The following SEZ6L2 variants were observed in gnomAD, a reference collection of about 807,000 sequenced individuals.
SEZ6L2 encodes the protein seizure related 6 homolog like 2.
SEZ6L2 carries 44 observed loss-of-function variants against 97.0 expected under a neutral mutation model. The ratio of observed to expected loss-of-function variants is 0.45; its 90% confidence interval spans 0.36 to 0.58. The LOEUF (loss-of-function observed/expected upper bound fraction) is 0.58, where lower values mean the gene tolerates loss of function less well. SEZ6L2 is among the 20% of genes least tolerant of loss of function. The pLI is 0.00. For synonymous variants in SEZ6L2, 543 were observed against 546.1 expected (o/e 0.99, Z 0.08); for missense variants, 1,086 against 1,233.3 (o/e 0.88, Z 1.79).
chr16:29,883,722 A>G (rs1036176121), intron 8 of SEZ6L2, among the ~76,000 whole-genome samples: 9 of 152,058 alleles, frequency 5.9e-5, no homozygotes, highest in African/African-American at 2.2e-4. Context: ...ACTTCAGCTC[A>G]GTAGTTGGAG....
At chr16:29,881,439 T>C (rs1027904585) in intron 8 of SEZ6L2, among the ~76,000 whole-genome samples, 4 of 152,070 alleles carry the variant, frequency 2.6e-5, no homozygotes, top group African/African-American at 7.2e-5. Context: ...TGGATTCTGA[T>C]CATCCATGCT....
In SEZ6L2 at chr16:29,895,789, G is replaced by T; in HGVS notation, c.583C>A (p.Arg195Ser). The change falls in exon 4 of 18, where the codon CGC becomes AGC. Residue 195 changes from arginine (R) to serine (S), a missense_variant. By Grantham distance (110) the Arg-to-Ser change is moderately radical. Coordinates refer to ENST00000617533, the MANE Select transcript of SEZ6L2 (RefSeq NM_001243332.2). ...GTGCAGTCCAGGAGCCCCAGGGTGC[G>T]GCTGACGGGGCTCCCCAGATCTGGA... ...ESPDLGSPVS[R>S]TLGLLDCTYS... 6.2e-7 allele frequency: 1 copy of T among 1,614,106 alleles called. No individual in the cohort carries two copies. The highest frequency in any genetic ancestry group is 1.1e-5 in the South Asian group (1 of 91,084).
Position 29,895,376 on chromosome 16 carries a change from C to T in SEZ6L2, c.736G>A (p.Ala246Thr), listed in dbSNP as rs2068360686. 3 of 1,614,034 alleles carry T rather than the reference C, an allele frequency of 1.9e-6. No homozygotes were observed. In the East Asian group the frequency reaches 6.7e-5, roughly 36 times the overall value. ...CCTTCTCCAAGCATGGATGAGTTGG[C>T]CAGGAGTCGGGGGGCCAGGCCTGGG... is the stretch of plus-strand genomic sequence containing the variant. ...GSPGLAPRLL[A>T]NSSMLGEGQV... Residue 246 changes from alanine to threonine, a missense_variant, in exon 5 of 18, where the codon GCC becomes ACC. Physicochemically the swap from Ala to Thr is moderately conservative, Grantham distance 58. Coordinates refer to ENST00000617533, the MANE Select transcript of SEZ6L2 (RefSeq NM_001243332.2).
chr16:29,883,768 C>G (rs1351223091), intron 8 of SEZ6L2, among the ~76,000 whole-genome samples: 3 of 151,876 alleles, frequency 2.0e-5, no homozygotes, highest in Non-Finnish European at 4.4e-5. Flanking sequence ...GCTGTCTCTA[C>G]AAAAAATGTA....
At chr16:29,885,878 A>G in intron 7 of SEZ6L2, 129 bp from the exon 8 acceptor site, 1 of 811,816 alleles carries the variant, frequency 1.2e-6, no homozygotes, top group East Asian at 2.8e-5. Context: ...CACTCTTCTA[A>G]GCCCTTACAC....
chr16:29,897,184 C>T, intron 2 of SEZ6L2, 63 bp from the exon 3 acceptor site: 1 of 1,381,208 alleles, frequency 7.2e-7, no homozygotes, highest in Non-Finnish European at 9.6e-7. Context: ...GGGTGGGGAG[C>T]AGGGCTGAGG....
intron 12 of SEZ6L2, among the ~76,000 whole-genome samples, chr16:29,874,554 T>G (rs1343822184): frequency 6.2e-5 from 4 of 64,802 alleles, no homozygotes; most frequent in African/African-American, 2.1e-4. Flanking sequence ...GTGCTTGTTT[T>G]TTTTTTTTTT....
At chr16:29,895,908 C>A in intron 3 of SEZ6L2, 48 bp from the exon 4 acceptor site, 1 of 1,556,360 alleles carries the variant, frequency 6.4e-7, no homozygotes, top group Non-Finnish European at 8.7e-7. Flanking sequence ...TGTGCTTTTG[C>A]CCTCCCAGCC....
intron 5 of SEZ6L2, among the ~76,000 whole-genome samples, chr16:29,892,081 T>G (rs758646776): frequency 2.6e-5 from 4 of 152,222 alleles, no homozygotes; most frequent in Non-Finnish European, 5.9e-5. Context: ...TCTCAGGGTT[T>G]CTGTGAGAAG....
rs530572484 is a variant in SEZ6L2, at chr16:29,877,350, G to C, written c.1830C>G (p.Pro610=). Reference sequence around the variant, plus strand: ...GTGCCTGAAACTGCAGTGTGAGGTCGGGCCCAGAGGAGAGAAGGCGGCGGC... The same window carrying C: ...GTGCCTGAAACTGCAGTGTGAGGTCCGGCCCAGAGGAGAGAAGGCGGCGGC... ...QPRRRLLSSG[P]DLTLQFQAPP... Residue 610 remains proline, a synonymous_variant, in exon 11 of 18, where the codon CCC becomes CCG. Transcript: ENST00000617533. 1 of 1,613,534 alleles carries C rather than the reference G, an allele frequency of 6.2e-7. No individual in the cohort carries two copies. Among genetic ancestry groups the C allele is most frequent in the Non-Finnish European group, 8.5e-7 (1 of 1,179,778 alleles).
At chr16:29,881,643 T>C in intron 8 of SEZ6L2, among the ~76,000 whole-genome samples, 1 of 136,126 alleles carries the variant, frequency 7.3e-6, no homozygotes, top group South Asian at 2.3e-4. Flanking sequence ...TTTTTTTTTT[T>C]TGGGATGGAG....
At chr16:29,895,530 GTGCCTT>G in intron 4 of SEZ6L2, 70 bp from the exon 5 acceptor site, 1 of 1,548,450 alleles carries the variant, frequency 6.5e-7, no homozygotes, top group Non-Finnish European at 8.8e-7. Context: ...CCCCTGTCCT[GTGCCTT>G]TGCCCTGTGT....
At chr16:29,878,721 A>G (rs1009051897) in intron 9 of SEZ6L2, among the ~76,000 whole-genome samples, 2 of 149,246 alleles carry the variant, frequency 1.3e-5, no homozygotes, top group Non-Finnish European at 3.0e-5. Flanking sequence ...AGTAGCTGGG[A>G]CTACAGGCGC....
intron 8 of SEZ6L2, among the ~76,000 whole-genome samples, chr16:29,880,308 G>A (rs992802833): frequency 1.4e-4 from 21 of 150,656 alleles, no homozygotes; most frequent in African/African-American, 4.2e-4. Context: ...GATTGCAGGC[G>A]TGCACCACCA....
At chr16:29,887,313 T>A (rs1465687404) in intron 7 of SEZ6L2, among the ~76,000 whole-genome samples, 16 of 151,200 alleles carry the variant, frequency 1.1e-4, no homozygotes, top group Non-Finnish European at 1.6e-4. Flanking sequence ...TTCTTTTTTT[T>A]TTTTTGAGAC....
At chr16:29,898,781 T>C (rs1281528682) in intron 1 of SEZ6L2, among the ~76,000 whole-genome samples, 160 bp downstream of exon 1, 1 of 152,186 alleles carries the variant, frequency 6.6e-6, no homozygotes, top group Admixed American at 6.5e-5. Flanking sequence ...TTAAGGGGCT[T>C]CGGGTTCAAG....
At position 29,872,735 on chromosome 16, in the gene SEZ6L2, C is replaced by A; in HGVS notation, c.2497G>T (p.Glu833Ter). The change falls in exon 15 of 18, where the codon GAG becomes TAG. Residue 833 changes from glutamate to a stop codon, truncating the protein, a stop_gained. Coordinates refer to ENST00000617533, the MANE Select transcript of SEZ6L2 (RefSeq NM_001243332.2). LOFTEE classifies it high-confidence loss of function. ...SQPPLCKVAY[E>*]ELLDNRKLEV... ...AGTTTTCGGTTGTCCAGGAGCTCCT[C>A]ATAGGCAACTGCAGGGAGAGGAGGG... 6.2e-7 allele frequency: 1 copy of A among 1,612,436 alleles called. No homozygotes were observed. Among genetic ancestry groups the A allele is most frequent in the South Asian group, 1.1e-5 (1 of 91,018 alleles).
intron 10 of SEZ6L2, among the ~76,000 whole-genome samples, chr16:29,877,843 T>C (rs573460956): frequency 6.6e-6 from 1 of 152,276 alleles, no homozygotes; most frequent in East Asian, 1.9e-4. Flanking sequence ...CCCGCCTGAG[T>C]ACCTGCTTTG....
chr16:29,878,139 A>G, intron 10 of SEZ6L2, 148 bp downstream of exon 10: 1 of 1,004,246 alleles, frequency 1.0e-6, no homozygotes, highest in East Asian at 2.7e-5. Context: ...TCTCACGTCT[A>G]TCCTGTACCC....
Sources: gnomAD v4.1 joint callset for allele counts (sites outside exome capture counted in the v4.1 genomes callset) on GRCh38, gnomAD v4.1.1 for gene constraint, MANE v1.5 for transcripts, NCBI Gene and HGNC (gene_info 2026-07-23, HGNC 2026-07-21) for gene names.